CTNNAL1: variants seen among roughly 807,000 people sequenced by gnomAD.
The protein encoded by CTNNAL1 is alpha-catulin.
In CTNNAL1, 69 loss-of-function variants were observed where a neutral mutation model predicts 93.6. The observed-to-expected ratio is 0.74, with a 90% CI of 0.61 to 0.90. The LOEUF (loss-of-function observed/expected upper bound fraction) is 0.90. CTNNAL1 is among the 40% of genes least tolerant of loss of function. The pLI is 0.00. For synonymous variants in CTNNAL1, 286 were observed against 305.4 expected, an observed-to-expected ratio of 0.94 and a Z score of 0.66; for missense variants, 836 against 862.0, an observed-to-expected ratio of 0.97 and a Z score of 0.38.
At chr9:108,995,782 G>C (rs1005699504) in intron 2 of CTNNAL1, among the ~76,000 whole-genome samples, 2 of 152,116 alleles carry the variant, frequency 1.3e-5, no homozygotes, top group East Asian at 3.8e-4. Flanking sequence ...TATTTATTGA[G>C]CACTTACTAT....
At chr9:108,968,952 C>T (rs921510929) in intron 10 of CTNNAL1, among the ~76,000 whole-genome samples, 3 of 151,658 alleles carry the variant, frequency 2.0e-5, no homozygotes, top group Non-Finnish European at 4.4e-5. Flanking sequence ...AACTGCAAAA[C>T]GTTATTTTAG....
chr9:108,951,721 A>C (rs1830570922), intron 14 of CTNNAL1, among the ~76,000 whole-genome samples: 1 of 152,206 alleles, frequency 6.6e-6, no homozygotes, highest in Non-Finnish European at 1.5e-5. Context: ...AAGACAGAGA[A>C]TATAGGTCAG....
intron 15 of CTNNAL1, among the ~76,000 whole-genome samples, chr9:108,946,646 C>A (rs1348974864): frequency 6.6e-6 from 1 of 152,214 alleles, no homozygotes; most frequent in African/African-American, 2.4e-5. Flanking sequence ...TGTCTATATT[C>A]TGCCATTAGA....
At chr9:108,972,868 G>GGCCCCCCCCCGGGT in intron 8 of CTNNAL1, 35 bp from the exon 9 acceptor site, 1 of 1,092,786 alleles carries the variant, frequency 9.2e-7, no homozygotes, top group Non-Finnish European at 1.2e-6. Context: ...GGGTGGGAGG[G>GGCCCCCCCCCGGGT]TGGAGAAGGA....
intron 1 of CTNNAL1, among the ~76,000 whole-genome samples, chr9:109,011,098 G>A (rs570873911): frequency 1.1e-4 from 16 of 152,342 alleles, no homozygotes; most frequent in Admixed American, 7.2e-4. Context: ...CAGAAAATGA[G>A]ACTTGTGGAC....
Position 108,970,435 on chromosome 9 carries a change from A to G in CTNNAL1, c.1407T>C (p.His469=), listed in dbSNP as rs142820642. 4.8e-5 allele frequency: 78 copies of G among 1,612,974 alleles called. No homozygotes were observed. The Admixed American group carries it at 7.4e-4, about 15-fold the overall frequency. The change falls in exon 10 of 19, where the codon CAT becomes CAC. Residue 469 remains histidine, a synonymous_variant. Coordinates refer to ENST00000325551, the MANE Select transcript of CTNNAL1 (RefSeq NM_003798.4). The stretch of plus-strand genomic sequence containing the variant: ...CAGTCACCTGAAATGTCTCCTCTGC[A>G]TGTATACAGGTTATTTCCAGAGGTT... ...GTEPLEITCI[H]AEETFQVTGQ... is the part of the protein sequence containing the mutation.
intron 5 of CTNNAL1, among the ~76,000 whole-genome samples, chr9:108,983,669 C>A (rs531300578): frequency 1.9e-4 from 29 of 152,266 alleles, no homozygotes; most frequent in African/African-American, 6.7e-4. Flanking sequence ...GATATATGAT[C>A]ATGGATGCAT....
chr9:109,012,467 C>CTTT (rs1827235371), intron 1 of CTNNAL1, among the ~76,000 whole-genome samples: 2 of 152,194 alleles, frequency 1.3e-5, no homozygotes, highest in African/African-American at 4.8e-5. Flanking sequence ...AATTCACTCC[C>CTTT]CACAGTGCTT....
chr9:108,943,751 C>T lies in CTNNAL1; in HGVS notation c.2007G>A (p.Gln669=), dbSNP rs761160038. The T allele has an allele frequency of 4.3e-6, 7 of 1,613,658 alleles. No homozygotes were observed. The African/African-American group carries it at 9.3e-5, about 22-fold the overall frequency. ...EINKLIPLCH[Q]LQTVTKTSLQ... is the part of the protein sequence containing the mutation. ...AAGAAGTCTTAGTTACTGTCTGGAGCTGGTGGCATAGAGGAATTAGCTTGT... is the reference window on the plus strand; with the variant it reads ...AAGAAGTCTTAGTTACTGTCTGGAGTTGGTGGCATAGAGGAATTAGCTTGT... Residue 669 remains glutamine (Q), a synonymous_variant, in exon 17 of 19, where the codon CAG becomes CAA. Transcript: ENST00000325551.
intron 1 of CTNNAL1, among the ~76,000 whole-genome samples, chr9:109,007,556 C>A (rs764587247): frequency 1.3e-5 from 2 of 152,104 alleles, no homozygotes; most frequent in Non-Finnish European, 2.9e-5. Context: ...CATTATAAGA[C>A]TTGGAGTGGG....
chr9:108,977,072 T>G (rs1240657761), intron 7 of CTNNAL1, 24 bp from the exon 8 acceptor site: 1 of 1,164,382 alleles, frequency 8.6e-7, no homozygotes, highest in Non-Finnish European at 1.2e-6. Context: ...AAAGTATACA[T>G]GTAATGTTAC....
At chr9:108,972,864 G>GGGGGGGGGGGGGGCCCCCCCCCCCCCC in intron 8 of CTNNAL1, 31 bp from the exon 9 acceptor site, 1 of 142,578 alleles carries the variant, frequency 7.0e-6, no homozygotes, top group Non-Finnish European at 1.0e-5. Context: ...GGGGGGGTGG[G>GGGGGGGGGGGGGGCCCCCCCCCCCCCC]AGGGTGGAGA....
Position 108,990,786 on chromosome 9 carries a change from T to C in CTNNAL1, c.579A>G (p.Ile193Met), listed in dbSNP as rs759324024. ...CCATTTCATTTCCAAATTGACTGAA[T>C]ATTTGGACAAACTCTTGAAAGCTAT... ...KVNSFQEFVQ[I>M]FSQFGNEMVE... Residue 193 changes from isoleucine to methionine, a missense_variant, in exon 4 of 19, where the codon ATA (isoleucine) becomes ATG (methionine). Coordinates refer to ENST00000325551, the MANE Select transcript of CTNNAL1 (RefSeq NM_003798.4). 29 of 1,613,756 alleles carry C rather than the reference T, an allele frequency of 1.8e-5. No individual in the cohort carries two copies. Among genetic ancestry groups the C allele is most frequent in the Non-Finnish European group, 2.5e-5 (29 of 1,179,898 alleles).
chr9:108,984,530 T>C, intron 4 of CTNNAL1, 94 bp from the exon 5 acceptor site: 1 of 579,846 alleles, frequency 1.7e-6, no homozygotes, highest in Non-Finnish European at 3.0e-6. Flanking sequence ...ACTCAAGAAT[T>C]CACTAACATT....
chr9:109,010,572 C>A (rs1190472509), intron 1 of CTNNAL1, among the ~76,000 whole-genome samples: 1 of 152,130 alleles, frequency 6.6e-6, no homozygotes, highest in African/African-American at 2.4e-5. Context: ...AACACTAGTT[C>A]CCTAAGTGCT....
chr9:108,962,845 A>C (rs1234711395), intron 11 of CTNNAL1, among the ~76,000 whole-genome samples: 1 of 152,198 alleles, frequency 6.6e-6, no homozygotes, highest in African/African-American at 2.4e-5. Flanking sequence ...TAGTTTTGTC[A>C]TCATTATCCC....
chr9:109,005,464 G>A (rs912947966), intron 1 of CTNNAL1, among the ~76,000 whole-genome samples: 1 of 152,112 alleles, frequency 6.6e-6, no homozygotes, highest in African/African-American at 2.4e-5. Context: ...TTTGGGAGAC[G>A]ATTAGTTCAT....
chr9:108,974,925 G>A (rs980455599), intron 8 of CTNNAL1, among the ~76,000 whole-genome samples: 3 of 152,154 alleles, frequency 2.0e-5, no homozygotes, highest in Non-Finnish European at 4.4e-5. Flanking sequence ...CACTTTGGGA[G>A]GCCAGGGCAG....
intron 5 of CTNNAL1, 82 bp downstream of exon 5, chr9:108,984,265 A>G (rs1233966425): frequency 2.7e-6 from 2 of 747,990 alleles, no homozygotes. Flanking sequence ...CTTTTTTAAA[A>G]TGTAAATTAT....
Sources: allele counts gnomAD v4.1 joint callset (sites outside exome capture counted in the v4.1 genomes callset), GRCh38; gene constraint gnomAD v4.1.1; transcripts MANE v1.5; gene names NCBI Gene and HGNC (gene_info 2026-07-23, HGNC 2026-07-21).